ETNPPL: variants seen among roughly 807,000 people sequenced by gnomAD.
The protein encoded by ETNPPL is alanine--glyoxylate aminotransferase 2-like 1.
ETNPPL carries 30 observed loss-of-function variants against 55.5 expected under a neutral mutation model. The ratio of observed to expected loss-of-function variants is 0.54; its 90% CI spans 0.40 to 0.73. The LOEUF (loss-of-function observed/expected upper bound fraction) is 0.73, where lower values mean the gene tolerates loss of function less well. ETNPPL is among the 30% of genes least tolerant of loss of function. The probability of loss-of-function intolerance (pLI) is 0.00; values close to 1 mark genes in which losing one functional copy is unlikely to be tolerated. For synonymous variants in ETNPPL, 202 were observed against 207.2 expected (o/e 0.98, Z 0.21); for missense variants, 528 against 607.9 (o/e 0.87, Z 1.38).
intron 6 of ETNPPL, among the ~76,000 whole-genome samples, chr4:108,752,230 TA>T (rs1028607281): frequency 1.8e-4 from 27 of 150,278 alleles, no homozygotes; most frequent in African/African-American, 5.2e-4. Flanking sequence ...GGTTTTTTTT[TA>T]AAATAGCCAA....
chr4:108,749,506 A>T, intron 7 of ETNPPL, 43 bp from the exon 8 acceptor site: 1 of 1,452,218 alleles, frequency 6.9e-7, no homozygotes, highest in Non-Finnish European at 9.6e-7. Flanking sequence ...GGTCACTGAG[A>T]TCCCCAAACC....
chr4:108,749,529 T>A, intron 7 of ETNPPL, 66 bp from the exon 8 acceptor site: 1 of 1,222,670 alleles, frequency 8.2e-7, no homozygotes, highest in Non-Finnish European at 1.2e-6. Context: ...CCCACAAAGA[T>A]GCAAATTATT....
chr4:108,761,279 G>GT (rs1729497127), intron 1 of ETNPPL, among the ~76,000 whole-genome samples: 1 of 152,158 alleles, frequency 6.6e-6, no homozygotes. Context: ...GGTAGTTCTA[G>GT]TAGTAGAAAT....
At chr4:108,762,218 C>A in intron 1 of ETNPPL, 1 of 371,040 alleles carries the variant, frequency 2.7e-6, no homozygotes, top group African/African-American at 2.1e-5. Context: ...TCGTTTGTGA[C>A]GGGGGCAAGA....
chr4:108,746,611 T>G (rs1728512672), intron 10 of ETNPPL, 82 bp from the exon 11 acceptor site: 1 of 1,523,674 alleles, frequency 6.6e-7, no homozygotes, highest in Non-Finnish European at 9.0e-7. Flanking sequence ...TAGAGCAGTT[T>G]AAGTATTCTG....
At chr4:108,759,503 T>C (rs1729402802) in intron 3 of ETNPPL, among the ~76,000 whole-genome samples, 1 of 150,444 alleles carries the variant, frequency 6.6e-6, no homozygotes, top group South Asian at 2.2e-4. Flanking sequence ...GGCCTATCAA[T>C]CCTTCAGCTA....
chr4:108,754,301 A>G (rs926169060), intron 5 of ETNPPL, among the ~76,000 whole-genome samples: 1 of 152,092 alleles, frequency 6.6e-6, no homozygotes, highest in Non-Finnish European at 1.5e-5. Flanking sequence ...AAACACACTT[A>G]GTTCAACTCT....
intron 8 of ETNPPL, among the ~76,000 whole-genome samples, chr4:108,748,835 T>G (rs1160713877): frequency 6.6e-6 from 1 of 151,914 alleles, no homozygotes; most frequent in Non-Finnish European, 1.5e-5. Flanking sequence ...ATTGGAAAAA[T>G]TAATAAGCCT....
At position 108,744,646 on chromosome 4, in the gene ETNPPL, T is replaced by G. The variant is rs1357703205; in HGVS notation, c.1304-790A>C. 2.6e-5 allele frequency among the ~76,000 whole-genome samples: 4 copies of G among 152,170 alleles called. No individual in the cohort carries two copies. The South Asian group carries it at 6.2e-4, about 24-fold the overall frequency. On this transcript the variant is annotated intron_variant, in intron 11 of 12. Coordinates refer to ENST00000296486, the MANE Select transcript of ETNPPL (RefSeq NM_031279.4). ...CACTATTCATATCTATTTTGTATGC[T>G]ATATTGATTCCTAGCTTCTTGGCTT...
Position 108,760,151 on chromosome 4 carries a change from C to A in ETNPPL, c.175+37G>T, listed in dbSNP as rs1331195334. ...TTCCAAGTCAGCTTTACTCCATGAACATTTCCTCCAAAGCACTGCAAGGAC... is the reference window on the plus strand; with the variant it reads ...TTCCAAGTCAGCTTTACTCCATGAAAATTTCCTCCAAAGCACTGCAAGGAC... On this transcript the variant is annotated intron_variant, in intron 2 of 12. Coordinates refer to ENST00000296486, the MANE Select transcript of ETNPPL (RefSeq NM_031279.4). The A allele has an allele frequency of 3.6e-6, 5 of 1,402,394 alleles. No homozygotes were observed. In the South Asian group the frequency reaches 4.8e-5, roughly 13 times the overall value. The allele number at this position is 1,402,394 out of a possible 1,614,324, so 86.9% of individuals were successfully genotyped here.
intron 3 of ETNPPL, among the ~76,000 whole-genome samples, chr4:108,759,216 C>T (rs1729382353): frequency 6.6e-6 from 1 of 151,606 alleles, no homozygotes; most frequent in African/African-American, 2.4e-5. Context: ...GTAATCCCAG[C>T]ACTTTGGGAG....
chr4:108,757,654 C>T (rs947142807), intron 3 of ETNPPL, among the ~76,000 whole-genome samples: 94 of 152,172 alleles, frequency 6.2e-4, no homozygotes, highest in African/African-American at 2.1e-3. Flanking sequence ...GAATATTAGT[C>T]TTGGCTGGGT....
intron 7 of ETNPPL, among the ~76,000 whole-genome samples, chr4:108,749,816 T>A (rs1287532936): frequency 6.6e-6 from 1 of 152,100 alleles, no homozygotes; most frequent in Non-Finnish European, 1.5e-5. Context: ...CAAGCCATCC[T>A]CCCACCTCAG....
intron 1 of ETNPPL, among the ~76,000 whole-genome samples, chr4:108,760,660 G>T (rs1227541751): frequency 2.0e-5 from 3 of 151,988 alleles, no homozygotes; most frequent in Admixed American, 1.3e-4. Flanking sequence ...AAGTTTTTTT[G>T]GGGGGCTTAA....
rs1560657588 is a variant in ETNPPL at position 108,754,720 on chromosome 4, C to T, written c.411-10G>A. On this transcript the variant is annotated splice_polypyrimidine_tract_variant and intron_variant, in intron 4 of 12. Transcript: ENST00000296486. ...GTGACCATGGTAAGCACTGAAGAGA[C>T]AAAGAAAAAAAAGCAGTAATCAAAA... The T allele has an allele frequency of 5.5e-6, 8 of 1,444,362 alleles. No homozygotes were observed. The South Asian group carries it at 9.7e-5, about 17-fold the overall frequency. The allele number at this position is 1,444,362 out of a possible 1,614,324, so 89.5% of individuals were successfully genotyped here.
At chr4:108,750,861 T>G in intron 7 of ETNPPL, 75 bp downstream of exon 7, 1 of 1,063,344 alleles carries the variant, frequency 9.4e-7, no homozygotes, top group Non-Finnish European at 1.5e-6. Flanking sequence ...TTTAATATCT[T>G]AGCAACTAGT....
In ETNPPL at chr4:108,761,080, GT is replaced by G. The variant is rs558986797; in HGVS notation, c.57-775del. Among the ~76,000 whole-genome samples, 52 of 152,258 alleles carry G rather than the reference GT, an allele frequency of 3.4e-4. 4 individuals are homozygous for G. In the South Asian group the frequency reaches 0.01, roughly 30 times the overall value. ...AATTATTCTTCTAAGCATTTAATAT[GT>G]TTTTTGAGCATAATAAGGTCATCCA... On this transcript the variant is annotated intron_variant, in intron 1 of 12. Coordinates refer to ENST00000296486, the MANE Select transcript of ETNPPL (RefSeq NM_031279.4).
intron 12 of ETNPPL, 48 bp from the exon 13 acceptor site, chr4:108,742,660 A>G (rs1728275585): frequency 1.2e-6 from 2 of 1,611,012 alleles, no homozygotes; most frequent in African/African-American, 2.7e-5. Context: ...CCTCTAATCC[A>G]GCCTCCACAG....
At chr4:108,749,899 AG>A (rs369004059) in intron 7 of ETNPPL, among the ~76,000 whole-genome samples, 2 of 152,140 alleles carry the variant, frequency 1.3e-5, no homozygotes, top group Admixed American at 6.5e-5. Context: ...TTTTGTAGAG[AG>A]GGGGGTCTTG....
Sources: gnomAD v4.1 joint callset for allele counts (sites outside exome capture counted in the v4.1 genomes callset) on GRCh38, gnomAD v4.1.1 for gene constraint, MANE v1.5 for transcripts, NCBI Gene and HGNC (gene_info 2026-07-23, HGNC 2026-07-21) for gene names.